GRIA2: variants seen among roughly 807,000 people sequenced by gnomAD.
GRIA2 encodes the protein glutamate ionotropic receptor AMPA type subunit 2.
Under a neutral mutation model 97.3 loss-of-function variants are expected in GRIA2, and 14 were observed. The observed-to-expected ratio is 0.14, with a 90% confidence interval of 0.10 to 0.23. The LOEUF (loss-of-function observed/expected upper bound fraction) is 0.23, where lower values mean the gene tolerates loss of function less well. Among genes scored for constraint, GRIA2 ranks in the 10% least tolerant of loss-of-function variants. The pLI is 1.00. For synonymous variants in GRIA2, 412 were observed against 387.8 expected (o/e 1.06, Z -0.73); for missense variants, 558 against 1,069.8 (o/e 0.52, Z 6.67).
At chr4:157,252,865 C>A (rs1377560153) in intron 2 of GRIA2, among the ~76,000 whole-genome samples, 1 of 151,992 alleles carries the variant, frequency 6.6e-6, no homozygotes, top group Non-Finnish European at 1.5e-5. Context: ...TAACAAAATA[C>A]TCTCTACATT....
intron 2 of GRIA2, among the ~76,000 whole-genome samples, chr4:157,293,749 C>A (rs561178007): frequency 6.6e-6 from 1 of 152,100 alleles, no homozygotes; most frequent in African/African-American, 2.4e-5. Flanking sequence ...TGTTTCACAC[C>A]ATCAGTTGTA....
In GRIA2 at chr4:157,332,871, G is replaced by C; in HGVS notation, c.935G>C (p.Arg312Pro). The C allele has an allele frequency of 6.2e-7, 1 of 1,612,308 alleles. No individual in the cohort carries two copies. The highest frequency in any genetic ancestry group is 2.2e-5 in the East Asian group (1 of 44,822). The change falls in exon 7 of 16, where the codon CGC (arginine) becomes CCC (proline). Residue 312 changes from arginine (R) to proline (P), a missense_variant. This residue lies in a region of GRIA2 where 173 missense variants were observed against 209.1 expected (regional missense o/e 0.83). Coordinates refer to ENST00000264426, the MANE Select transcript of GRIA2 (RefSeq NM_001083619.3). ...DAVQVMTEAF[R>P]NLRKQRIEIS... is the part of the protein sequence containing the mutation. The stretch of plus-strand genomic sequence containing the variant: ...GTTCAAGTGATGACTGAAGCCTTCC[G>C]CAACCTAAGGAAGCAAAGAATTGAA...
Position 157,288,060 on chromosome 4 carries a change from A to G in GRIA2, c.230-15492A>G, listed in dbSNP as rs535158943. Among the ~76,000 whole-genome samples the G allele has an allele frequency of 5.4e-4, 82 of 151,868 alleles. 3 individuals are homozygous for G. The South Asian group carries it at 0.014, about 26-fold the overall frequency. On this transcript the variant is annotated intron_variant, in intron 2 of 15. Coordinates refer to ENST00000264426, the MANE Select transcript of GRIA2 (RefSeq NM_001083619.3). The stretch of plus-strand genomic sequence containing the variant: ...GAAAAGAATCCTAATAAAGTATTAT[A>G]CATTTTTAGGACCCCTGTTTGGAAA...
At chr4:157,362,592 G>C in intron 14 of GRIA2, 1 of 609,560 alleles carries the variant, frequency 1.6e-6, no homozygotes, top group Non-Finnish European at 3.0e-6. Context: ...AGTCGATTGA[G>C]TCCACCAAAA....
intron 12 of GRIA2, among the ~76,000 whole-genome samples, chr4:157,343,608 G>A (rs1735641301): frequency 6.6e-6 from 1 of 151,998 alleles, no homozygotes; most frequent in South Asian, 2.1e-4. Flanking sequence ...AATGACATTG[G>A]CTAGGTCTCA....
intron 2 of GRIA2, among the ~76,000 whole-genome samples, chr4:157,288,053 G>C (rs781158456): frequency 6.6e-6 from 1 of 151,458 alleles, no homozygotes; most frequent in African/African-American, 2.4e-5. Flanking sequence ...TCCTAATAAA[G>C]TATTATACAT....
intron 2 of GRIA2, among the ~76,000 whole-genome samples, chr4:157,251,543 A>G (rs1478529507): frequency 6.6e-6 from 1 of 152,008 alleles, no homozygotes; most frequent in African/African-American, 2.4e-5. Flanking sequence ...CCTGTAGTAC[A>G]TTTTTCTCTT....
intron 4 of GRIA2, among the ~76,000 whole-genome samples, chr4:157,314,018 C>T (rs1414646844): frequency 6.6e-6 from 1 of 152,116 alleles, no homozygotes; most frequent in African/African-American, 2.4e-5. Flanking sequence ...TCATCATCAT[C>T]ATCTTCACAT....
chr4:157,271,366 A>C lies in GRIA2; in HGVS notation c.230-32186A>C, dbSNP rs188905594. Among the ~76,000 whole-genome samples the C allele has an allele frequency of 3.9e-5, 6 of 152,098 alleles. No individual in the cohort carries two copies. In the East Asian group the frequency reaches 1.2e-3, roughly 29 times the overall value. On this transcript the variant is annotated intron_variant, in intron 2 of 15. Transcript: ENST00000264426. ...CCTTCAGATGCTAACCACAAGCCAC[A>C]GGTTGTTTTAGCTGTGCTTTGGAGG...
chr4:157,287,041 A>G (rs568916468), intron 2 of GRIA2, among the ~76,000 whole-genome samples: 51 of 151,620 alleles, frequency 3.4e-4, no homozygotes, highest in Non-Finnish European at 5.5e-4. Context: ...CCTATTCTCT[A>G]TTCTGTCTGG....
intron 2 of GRIA2, among the ~76,000 whole-genome samples, chr4:157,291,735 CAA>C (rs1733113974): frequency 6.6e-6 from 1 of 151,640 alleles, no homozygotes; most frequent in Non-Finnish European, 1.5e-5. Flanking sequence ...AATAATTTCA[CAA>C]AGTAGAAAGT....
At chr4:157,306,450 C>T (rs538784091) in intron 3 of GRIA2, among the ~76,000 whole-genome samples, 3 of 151,972 alleles carry the variant, frequency 2.0e-5, no homozygotes, top group Non-Finnish European at 4.4e-5. Flanking sequence ...TTAAATTATA[C>T]AAGTTGATTT....
chr4:157,315,037 G>T (rs1734250403), intron 4 of GRIA2, among the ~76,000 whole-genome samples: 1 of 152,154 alleles, frequency 6.6e-6, no homozygotes, highest in Non-Finnish European at 1.5e-5. Flanking sequence ...TTCTTAAAAG[G>T]GGAAGGACAA....
At chr4:157,309,334 C>G (rs1400615434) in intron 3 of GRIA2, among the ~76,000 whole-genome samples, 1 of 149,356 alleles carries the variant, frequency 6.7e-6, no homozygotes, top group South Asian at 2.1e-4. Flanking sequence ...GTTTGAAAGT[C>G]AGAGAAATTT....
chr4:157,276,004 T>C (rs552142069), intron 2 of GRIA2, among the ~76,000 whole-genome samples: 9 of 152,304 alleles, frequency 5.9e-5, no homozygotes, highest in African/African-American at 2.2e-4. Context: ...GAGCATGGAA[T>C]GTTCTTCCAT....
chr4:157,318,388 T>G (rs1734417527), intron 5 of GRIA2, among the ~76,000 whole-genome samples: 1 of 152,154 alleles, frequency 6.6e-6, no homozygotes, highest in South Asian at 2.1e-4. Flanking sequence ...ATTTATGACT[T>G]CCTACTTACT....
chr4:157,340,380 A>G lies in GRIA2; in HGVS notation c.1845-884A>G, dbSNP rs1357220953. 2.0e-5 allele frequency among the ~76,000 whole-genome samples: 3 copies of G among 151,974 alleles called. No homozygotes were observed. The East Asian group carries it at 5.8e-4, about 29-fold the overall frequency. ...AATCTTTCAAAATAATACAGTATAT[A>G]TCTTTTTCTATATCTCTATACCTGT... On this transcript the variant is annotated intron_variant, in intron 11 of 15. Coordinates refer to ENST00000264426, the MANE Select transcript of GRIA2 (RefSeq NM_001083619.3).
At chr4:157,303,826 C>A in intron 3 of GRIA2, 35 bp downstream of exon 3, 1 of 1,599,200 alleles carries the variant, frequency 6.3e-7, no homozygotes, top group Non-Finnish European at 8.6e-7. Flanking sequence ...TGTAATGGGG[C>A]GAATTCAATG....
At chr4:157,249,421 A>G (rs1035843633) in intron 2 of GRIA2, 2 of 152,286 alleles carry the variant, frequency 1.3e-5, no homozygotes, top group East Asian at 3.9e-4. Flanking sequence ...TTTTAGTCAC[A>G]ATGTGAAATT....
Sources: gnomAD v4.1 joint callset for allele counts (sites outside exome capture counted in the v4.1 genomes callset) on GRCh38, gnomAD v4.1.1 for gene constraint, gnomAD v4.1.1 regional missense constraint, MANE v1.5 for transcripts, NCBI Gene and HGNC (gene_info 2026-07-23, HGNC 2026-07-21) for gene names.